PACRG: variants seen among roughly 807,000 people sequenced by gnomAD.
The protein encoded by PACRG is parkin coregulated gene protein.
PACRG carries 29 observed loss-of-function variants against 29.7 expected under a neutral mutation model. The ratio of observed to expected loss-of-function variants is 0.98; its 90% CI spans 0.73 to 1.33. PACRG has a LOEUF of 1.33. Among genes scored for constraint, PACRG ranks in the 40% most tolerant of loss-of-function variants. The pLI, the probability that PACRG is intolerant of heterozygous loss-of-function variation, is 0.00. For missense variants in PACRG, 279 were observed against 316.2 expected, an observed-to-expected ratio of 0.88 and a Z score of 0.89; for synonymous variants, 116 against 118.7, an observed-to-expected ratio of 0.98 and a Z score of 0.15.
intron 2 of PACRG, among the ~76,000 whole-genome samples, chr6:162,970,041 A>G (rs988061011): frequency 4.6e-5 from 7 of 152,194 alleles, no homozygotes; most frequent in Admixed American, 2.6e-4. Flanking sequence ...GCACATTTCT[A>G]TAAAATCAGT....
intron 4 of PACRG, among the ~76,000 whole-genome samples, chr6:163,274,384 G>C (rs190219286): frequency 2.0e-5 from 3 of 152,310 alleles, no homozygotes; most frequent in Admixed American, 6.5e-5. Context: ...TGGCTGCATA[G>C]TGTTCCATGG....
intron 1 of PACRG, among the ~76,000 whole-genome samples, chr6:162,752,016 G>A (rs2128280538): frequency 6.6e-6 from 1 of 152,032 alleles, no homozygotes; most frequent in South Asian, 2.1e-4. Flanking sequence ...TACTTACATG[G>A]CACATCTTAG....
chr6:162,947,053 T>C (rs189835838), intron 2 of PACRG, among the ~76,000 whole-genome samples: 2 of 151,776 alleles, frequency 1.3e-5, no homozygotes, highest in African/African-American at 4.8e-5. Flanking sequence ...AGCATTCCCC[T>C]TGAGAACAGG....
chr6:162,915,338 G>T (rs1203445919), intron 2 of PACRG, among the ~76,000 whole-genome samples: 1 of 151,688 alleles, frequency 6.6e-6, no homozygotes, highest in African/African-American at 2.4e-5. Context: ...GTTCAGGTTT[G>T]CAACCTAGGA....
chr6:163,018,572 GTAT>G (rs1226117068), intron 2 of PACRG, among the ~76,000 whole-genome samples: 1 of 152,128 alleles, frequency 6.6e-6, no homozygotes, highest in Admixed American at 6.5e-5. Flanking sequence ...CTGGTAGAAA[GTAT>G]TATTGTCAAA....
chr6:163,188,801 T>A (rs1419917972), intron 4 of PACRG, among the ~76,000 whole-genome samples: 1 of 152,242 alleles, frequency 6.6e-6, no homozygotes, highest in Non-Finnish European at 1.5e-5. Context: ...ACTGTCGTCA[T>A]TGCCCATCCA....
intron 2 of PACRG, among the ~76,000 whole-genome samples, chr6:162,924,582 G>C (rs1317454403): frequency 6.6e-6 from 1 of 151,998 alleles, no homozygotes; most frequent in African/African-American, 2.4e-5. Flanking sequence ...TTTGTTGAGA[G>C]TTTTTATTGT....
At chr6:162,740,218 G>A (rs1161881115) in intron 1 of PACRG, among the ~76,000 whole-genome samples, 1 of 152,138 alleles carries the variant, frequency 6.6e-6, no homozygotes, top group East Asian at 1.9e-4. Flanking sequence ...ACTATCTATA[G>A]GAATTTTAGA....
intron 1 of PACRG, 47 bp downstream of exon 1, chr6:162,728,438 C>G: frequency 6.3e-7 from 1 of 1,591,224 alleles, no homozygotes; most frequent in Non-Finnish European, 8.5e-7. Flanking sequence ...AATCAGGGGA[C>G]ACGAGATTTA....
At chr6:162,736,966 A>G (rs1780211545) in intron 1 of PACRG, among the ~76,000 whole-genome samples, 1 of 152,172 alleles carries the variant, frequency 6.6e-6, no homozygotes, top group South Asian at 2.1e-4. Context: ...AGTATTTACT[A>G]TTAGTGTATA....
chr6:162,819,058 T>G (rs577653859), intron 2 of PACRG, among the ~76,000 whole-genome samples: 1 of 152,254 alleles, frequency 6.6e-6, no homozygotes, highest in South Asian at 2.1e-4. Flanking sequence ...TTGTCCAGAG[T>G]AGCAGACATG....
At chr6:162,747,964 A>T (rs1337449124) in intron 1 of PACRG, among the ~76,000 whole-genome samples, 1 of 152,176 alleles carries the variant, frequency 6.6e-6, no homozygotes, top group Non-Finnish European at 1.5e-5. Context: ...TAAGTGGGCT[A>T]AAAAATGATT....
chr6:162,961,233 C>A (rs77188293), intron 2 of PACRG, among the ~76,000 whole-genome samples: 4,741 of 152,302 alleles, frequency 0.031, 119 homozygotes, highest in Non-Finnish European at 0.05. Context: ...TTCACAGTTT[C>A]AGGGGTTTCC....
At chr6:163,280,081 C>T (rs1014924744) in intron 4 of PACRG, among the ~76,000 whole-genome samples, 11 of 152,208 alleles carry the variant, frequency 7.2e-5, no homozygotes, top group African/African-American at 2.7e-4. Context: ...CCAGCTGGCC[C>T]TTCCTTCACC....
rs1186147305 is a variant in PACRG, at chr6:163,314,725, G to C, written c.614-102G>C. Reference sequence around the variant, plus strand: ...GATCGTGTAAAAATCTTGCATGTTTGTGTCTCCTAATAAGCATTCAGAGAA... The same window carrying C: ...GATCGTGTAAAAATCTTGCATGTTTCTGTCTCCTAATAAGCATTCAGAGAA... On this transcript the variant is annotated intron_variant, in intron 4 of 4. Transcript: ENST00000366888. 9 of 1,272,026 alleles carry C rather than the reference G, an allele frequency of 7.1e-6. No individual in the cohort carries two copies. The South Asian group carries it at 1.1e-4, about 15-fold the overall frequency. 78.8% of individuals were successfully genotyped at this position (1,272,026 alleles called of 1,614,324 possible).
chr6:162,809,401 CA>C (rs1327085286), intron 1 of PACRG, among the ~76,000 whole-genome samples: 1 of 152,094 alleles, frequency 6.6e-6, no homozygotes, highest in Non-Finnish European at 1.5e-5. Context: ...TACATATCAC[CA>C]TGGATTATTT....
intron 2 of PACRG, among the ~76,000 whole-genome samples, chr6:162,984,852 C>T (rs528132847): frequency 1.8e-4 from 22 of 119,892 alleles, no homozygotes; most frequent in South Asian, 2.8e-4. Flanking sequence ...CTTTTTGATG[C>T]GATTGGTTTT....
chr6:163,172,640 C>T (rs903471026), intron 4 of PACRG, among the ~76,000 whole-genome samples: 5 of 152,182 alleles, frequency 3.3e-5, no homozygotes, highest in East Asian at 1.9e-4. Context: ...GAAACACATG[C>T]GAGAACTCAC....
chr6:163,049,237 C>G (rs1471446132), intron 2 of PACRG, among the ~76,000 whole-genome samples: 1 of 151,984 alleles, frequency 6.6e-6, no homozygotes, highest in Non-Finnish European at 1.5e-5. Context: ...GGTTAAATCT[C>G]CAATCACTGG....
Sources: gnomAD v4.1 joint callset for allele counts (sites outside exome capture counted in the v4.1 genomes callset) on GRCh38, gnomAD v4.1.1 for gene constraint, MANE v1.5 for transcripts, NCBI Gene and HGNC (gene_info 2026-07-23, HGNC 2026-07-21) for gene names.